Variants in FARP1 observed in about 807,000 individuals in gnomAD.
The protein encoded by FARP1 is FERM, ARH/RhoGEF and pleckstrin domain protein 1.
A neutral mutation model predicts 128.8 loss-of-function variants in FARP1; 52 were observed. The ratio of observed to expected loss-of-function variants is 0.40; its 90% CI spans 0.32 to 0.51. FARP1 has a LOEUF of 0.51. FARP1 is among the 20% of genes least tolerant of loss of function. FARP1 has a pLI of 0.45. For missense variants in FARP1, 1,333 were observed against 1,367.9 expected (o/e 0.97, Z 0.40); for synonymous variants, 580 against 551.8 (o/e 1.05, Z -0.72).
At chr13:98,239,913 AGG>A (rs1357298668) in intron 2 of FARP1, among the ~76,000 whole-genome samples, 5 of 152,096 alleles carry the variant, frequency 3.3e-5, no homozygotes, top group Non-Finnish European at 7.4e-5. Flanking sequence ...GTGAAGGAGG[AGG>A]GGCCCAAAGA....
At chr13:98,384,870 T>C in intron 7 of FARP1, 26 bp downstream of exon 7, 2 of 1,426,264 alleles carry the variant, frequency 1.4e-6, no homozygotes, top group Non-Finnish European at 2.0e-6. Flanking sequence ...GGCTTCATAT[T>C]CCCTCTGAGC....
rs1326251907 is a variant in FARP1, at chr13:98,377,926, C to G, written c.496+8C>G. 1 of 1,585,812 alleles carries G rather than the reference C, an allele frequency of 6.3e-7. No homozygotes were observed. The highest frequency in any genetic ancestry group is 1.7e-5 in the Admixed American group (1 of 59,884). Reference sequence around the variant, plus strand: ...TTTCACACATTGTGCAATGTAAGTTCTATTGGTTTCCTTTGAAAATCATGT... The same window carrying G: ...TTTCACACATTGTGCAATGTAAGTTGTATTGGTTTCCTTTGAAAATCATGT... On this transcript the variant is annotated splice_region_variant and intron_variant, in intron 6 of 26. Transcript: ENST00000319562.
At position 98,416,964 on chromosome 13, in the gene FARP1, G is replaced by A. The variant is rs115947663; in HGVS notation, c.1826+4930G>A. Among the ~76,000 whole-genome samples, 602 of 152,310 alleles carry A rather than the reference G, an allele frequency of 4.0e-3. 4 individuals carry two copies. Among genetic ancestry groups the A allele is most frequent in the African/African-American group, 0.014 (574 of 41,560 alleles). On this transcript the variant is annotated intron_variant, in intron 16 of 26. Coordinates refer to ENST00000319562, the MANE Select transcript of FARP1 (RefSeq NM_005766.4). ...TAGGAGAAACTTTGGCCAGAGTCAC[G>A]TGGAAAGCATGCGGGAGACTGGCTG... is the stretch of plus-strand genomic sequence containing the variant.
At chr13:98,338,105 G>A (rs1239517083) in intron 2 of FARP1, among the ~76,000 whole-genome samples, 3 of 152,020 alleles carry the variant, frequency 2.0e-5, no homozygotes, top group Non-Finnish European at 2.9e-5. Context: ...TTTTTCTCCC[G>A]TCTGCATTTT....
At chr13:98,182,002 A>G (rs532187744) in intron 1 of FARP1, among the ~76,000 whole-genome samples, 2 of 152,342 alleles carry the variant, frequency 1.3e-5, no homozygotes, top group Non-Finnish European at 2.9e-5. Context: ...TGACAAGATG[A>G]TAAATAATAA....
chr13:98,379,031 T>C (rs1256788589), intron 6 of FARP1, among the ~76,000 whole-genome samples: 2 of 82,504 alleles, frequency 2.4e-5, no homozygotes, highest in Non-Finnish European at 3.9e-5. Context: ...ATAATATATA[T>C]AATATATACA....
intron 2 of FARP1, among the ~76,000 whole-genome samples, chr13:98,228,066 TG>T (rs1335742647): frequency 6.6e-6 from 1 of 152,154 alleles, no homozygotes; most frequent in Non-Finnish European, 1.5e-5. Flanking sequence ...CACTTAAAAA[TG>T]GCTAAAATGG....
At chr13:98,179,202 A>G (rs113453013) in intron 1 of FARP1, among the ~76,000 whole-genome samples, 6 of 130,258 alleles carry the variant, frequency 4.6e-5, no homozygotes, top group African/African-American at 1.5e-4. Flanking sequence ...CATGTCTCGC[A>G]TGGCAGCAGA....
chr13:98,434,926 G>C (rs1473661203), intron 18 of FARP1: 1 of 152,278 alleles, frequency 6.6e-6, no homozygotes, highest in African/African-American at 2.4e-5. Flanking sequence ...CCTGGGGGCA[G>C]AGGTTGCAGT....
chr13:98,253,066 A>G (rs192325914), intron 2 of FARP1, among the ~76,000 whole-genome samples: 2 of 152,322 alleles, frequency 1.3e-5, no homozygotes, highest in Admixed American at 6.5e-5. Flanking sequence ...TACTCAAAGT[A>G]GGGAGTGTGG....
intron 3 of FARP1, among the ~76,000 whole-genome samples, chr13:98,348,224 T>C (rs1436770823): frequency 2.6e-5 from 4 of 152,228 alleles, no homozygotes; most frequent in African/African-American, 9.6e-5. Context: ...CTTGGCCTGC[T>C]CTTGCCCTTG....
chr13:98,411,487 T>G (rs1891193547), intron 15 of FARP1, among the ~76,000 whole-genome samples: 1 of 152,160 alleles, frequency 6.6e-6, no homozygotes, highest in Admixed American at 6.5e-5. Flanking sequence ...TATTCCCAGG[T>G]TTGGCCACCT....
chr13:98,315,190 G>A (rs1432373830), intron 2 of FARP1, among the ~76,000 whole-genome samples: 1 of 152,126 alleles, frequency 6.6e-6, no homozygotes, highest in Non-Finnish European at 1.5e-5. Context: ...GAGTGCTGTG[G>A]TGTGATTCTG....
chr13:98,407,539 C>T (rs3742141), intron 13 of FARP1: 80,901 of 151,742 alleles, frequency 0.53, 22,085 homozygotes, highest in Non-Finnish European at 0.59. Context: ...GGTGGTGTTT[C>T]GGGTGATGGG....
intron 1 of FARP1, among the ~76,000 whole-genome samples, chr13:98,186,162 A>G (rs1382945596): frequency 6.6e-6 from 1 of 151,828 alleles, no homozygotes; most frequent in Non-Finnish European, 1.5e-5. Context: ...GCTGGAGTGC[A>G]ATGGCACGAT....
chr13:98,368,972 T>C (rs1186940229), intron 5 of FARP1, among the ~76,000 whole-genome samples: 2 of 151,084 alleles, frequency 1.3e-5, no homozygotes, highest in Middle Eastern at 3.4e-3. Context: ...GTCGCCCAGG[T>C]TGGAGTGCAG....
At chr13:98,368,436 A>G (rs1406621011) in intron 5 of FARP1, among the ~76,000 whole-genome samples, 2 of 152,104 alleles carry the variant, frequency 1.3e-5, no homozygotes, top group African/African-American at 4.8e-5. Context: ...CTGGGCTTAT[A>G]CTCTGTTAAT....
intron 6 of FARP1, among the ~76,000 whole-genome samples, chr13:98,380,323 G>A (rs1291536411): frequency 6.1e-5 from 9 of 148,518 alleles, no homozygotes; most frequent in African/African-American, 1.2e-4. Flanking sequence ...GGCGGTGGGC[G>A]CCTGTAGTCC....
chr13:98,382,733 GT>G (rs377398427), intron 6 of FARP1, among the ~76,000 whole-genome samples: 6 of 149,522 alleles, frequency 4.0e-5, no homozygotes, highest in Admixed American at 2.7e-4. Flanking sequence ...TCTGCCTTCT[GT>G]TTTTTTTTTC....
Sources: gnomAD v4.1 joint callset for allele counts (sites outside exome capture counted in the v4.1 genomes callset) on GRCh38, gnomAD v4.1.1 for gene constraint, MANE v1.5 for transcripts, NCBI Gene and HGNC (gene_info 2026-07-23, HGNC 2026-07-21) for gene names.